The following B4GALT4 variants were observed in gnomAD, a reference collection of about 807,000 sequenced individuals.
B4GALT4 encodes the protein beta-1,4-galactosyltransferase 4.
In B4GALT4, 27 loss-of-function variants were observed where a neutral mutation model predicts 37.3. The ratio of observed to expected loss-of-function variants is 0.72; its 90% CI spans 0.53 to 1.00. B4GALT4 has a LOEUF of 1.00. Ranked by LOEUF, B4GALT4 falls within the 50% of genes least tolerant of loss-of-function variation. The probability of loss-of-function intolerance (pLI) is 0.00; values close to 1 mark genes in which losing one functional copy is unlikely to be tolerated. For missense variants in B4GALT4, 372 were observed against 413.1 expected, an observed-to-expected ratio of 0.90 and a Z score of 0.86; for synonymous variants, 148 against 154.1, an observed-to-expected ratio of 0.96 and a Z score of 0.29.
rs764184506 is a variant in B4GALT4 at position 119,212,569 on chromosome 3, C to A, written c.1015G>T (p.Asp339Tyr). The change falls in exon 8 of 8, where the codon GAT (aspartate) becomes TAT (tyrosine). Residue 339 changes from aspartate (D) to tyrosine (Y), a missense_variant. By Grantham distance (160) the Asp-to-Tyr change is radical. Coordinates refer to ENST00000393765, the MANE Select transcript of B4GALT4 (RefSeq NM_003778.4). Reference protein sequence around the residue: ...HNPLYINITVDFWFGA With the variant: ...HNPLYINITVYFWFGA Reference sequence around the variant, plus strand: ...CAGGGTCATGCACCAAACCAGAAATCCACTGTGATGTTGATATATAAAGGA... The same window carrying A: ...CAGGGTCATGCACCAAACCAGAAATACACTGTGATGTTGATATATAAAGGA... 6.2e-7 allele frequency: 1 copy of A among 1,602,602 alleles called. No homozygotes were observed. Among genetic ancestry groups the A allele is most frequent in the Non-Finnish European group, 8.5e-7 (1 of 1,176,646 alleles).
intron 7 of B4GALT4, 77 bp from the exon 8 acceptor site, chr3:119,212,758 G>C: frequency 7.5e-7 from 1 of 1,334,540 alleles, no homozygotes; most frequent in Non-Finnish European, 1.0e-6. Flanking sequence ...GCCCTGAAAT[G>C]TGGCAAACAT....
At position 119,215,451 on chromosome 3, in the gene B4GALT4, G is replaced by A. The variant is rs181365503; in HGVS notation, c.902+789C>T. 783 of 152,992 alleles carry A rather than the reference G, an allele frequency of 5.1e-3. 2 individuals carry two copies. The highest frequency in any genetic ancestry group is 8.7e-3 in the Non-Finnish European group (593 of 68,164). 9.5% of individuals were successfully genotyped at this position (152,992 alleles called of 1,614,324 possible). ...CCCTACTTTTGAGGTTTTGGGACCC[G>A]GGCTGGCTTCCTCGTTCCTCAGCTT... On this transcript the variant is annotated intron_variant, in intron 7 of 7. Coordinates refer to ENST00000393765, the MANE Select transcript of B4GALT4 (RefSeq NM_003778.4).
intron 3 of B4GALT4, among the ~76,000 whole-genome samples, chr3:119,227,464 C>A (rs1278957727): frequency 6.6e-6 from 1 of 152,150 alleles, no homozygotes; most frequent in African/African-American, 2.4e-5. Flanking sequence ...CAGAATCAAG[C>A]TCCTGGACAA....
intron 5 of B4GALT4, 73 bp downstream of exon 5, chr3:119,223,985 G>T: frequency 7.1e-7 from 1 of 1,403,570 alleles, no homozygotes; most frequent in Non-Finnish European, 9.5e-7. Flanking sequence ...CACTCTGGAT[G>T]CTTGTTCCAC....
chr3:119,225,791 T>A (rs894253591), intron 4 of B4GALT4, among the ~76,000 whole-genome samples: 1 of 152,160 alleles, frequency 6.6e-6, no homozygotes, highest in Non-Finnish European at 1.5e-5. Flanking sequence ...GAACTCAGAA[T>A]CAAATAAATC....
At chr3:119,236,149 TCAC>T (rs1392435782) in intron 2 of B4GALT4, 2 of 152,138 alleles carry the variant, frequency 1.3e-5, no homozygotes, top group African/African-American at 4.8e-5. Context: ...ATCCAATCGC[TCAC>T]CACAAGTTCA....
intron 5 of B4GALT4, among the ~76,000 whole-genome samples, chr3:119,221,677 A>G (rs1474451938): frequency 6.6e-6 from 1 of 152,226 alleles, no homozygotes; most frequent in Non-Finnish European, 1.5e-5. Flanking sequence ...GAAACATTTA[A>G]ATCAGAATAG....
At position 119,212,486 on chromosome 3, in the gene B4GALT4, T is replaced by C; in HGVS notation, c.*63A>G. 6.6e-7 allele frequency: 1 copy of C among 1,514,382 alleles called. No individual in the cohort carries two copies. The highest frequency in any genetic ancestry group is 8.9e-7 in the Non-Finnish European group (1 of 1,127,176). 93.8% of individuals were successfully genotyped at this position (1,514,382 alleles called of 1,614,324 possible). On this transcript the variant is annotated 3_prime_UTR_variant, in exon 8 of 8. Coordinates refer to ENST00000393765, the MANE Select transcript of B4GALT4 (RefSeq NM_003778.4). ...TTAATGTGTGCTACTATTTGAAGTC[T>C]CTAGGCCAAAATTATTGCAAACAAA...
intron 2 of B4GALT4, among the ~76,000 whole-genome samples, chr3:119,232,853 G>A (rs1291354575): frequency 6.6e-5 from 10 of 151,956 alleles, no homozygotes; most frequent in Non-Finnish European, 1.5e-4. Flanking sequence ...CTATTGCCCA[G>A]GCTAGAGTGC....
intron 3 of B4GALT4, among the ~76,000 whole-genome samples, chr3:119,227,440 T>C (rs977097976): frequency 1.3e-5 from 2 of 152,132 alleles, no homozygotes; most frequent in Non-Finnish European, 2.9e-5. Context: ...CTCTTAAATA[T>C]CAACAGCATT....
chr3:119,230,241 C>T lies in B4GALT4; in HGVS notation c.-142G>A. 1 of 1,045,486 alleles carries T rather than the reference C, an allele frequency of 9.6e-7. No homozygotes were observed. Among genetic ancestry groups the T allele is most frequent in the Non-Finnish European group, 1.4e-6 (1 of 724,162 alleles). 64.8% of individuals were successfully genotyped at this position (1,045,486 alleles called of 1,614,324 possible). A position where few individuals can be genotyped will look rare whatever the true frequency, so the allele number is the denominator to read the frequency against. The stretch of plus-strand genomic sequence containing the variant: ...GTTTTTCTCAGTAGTTCTGCTCCAA[C>T]AGTCTAAAACGCAATCACAAAAGAC... On this transcript the variant is annotated 5_prime_UTR_variant, in exon 3 of 8. Transcript: ENST00000393765.
intron 3 of B4GALT4, among the ~76,000 whole-genome samples, chr3:119,227,881 T>C (rs1301459160): frequency 6.6e-6 from 1 of 152,166 alleles, no homozygotes; most frequent in Non-Finnish European, 1.5e-5. Context: ...TCCCCTACCC[T>C]GGCCATGGCT....
chr3:119,224,707 CGT>C (rs1198699870), intron 4 of B4GALT4, among the ~76,000 whole-genome samples: 6 of 152,192 alleles, frequency 3.9e-5, no homozygotes, highest in East Asian at 3.9e-4. Context: ...AATTTTACAT[CGT>C]GTGTTTCACA....
chr3:119,225,375 G>A (rs1388273705), intron 4 of B4GALT4, among the ~76,000 whole-genome samples: 1 of 152,000 alleles, frequency 6.6e-6, no homozygotes, highest in Non-Finnish European at 1.5e-5. Context: ...ACACGAAGCA[G>A]ACATATTTTT....
intron 1 of B4GALT4, chr3:119,240,504 T>A (rs1168032037): frequency 6.6e-6 from 1 of 152,062 alleles, no homozygotes; most frequent in Non-Finnish European, 1.5e-5. Flanking sequence ...GGCGGAGAAG[T>A]GCTGGGGGCG....
intron 3 of B4GALT4, among the ~76,000 whole-genome samples, chr3:119,227,846 C>T (rs756064455): frequency 5.9e-5 from 9 of 152,180 alleles, no homozygotes; most frequent in Non-Finnish European, 1.0e-4. Flanking sequence ...GTGCGAAAGT[C>T]GCCATGACTT....
rs559120175 is a variant in B4GALT4 at position 119,225,990 on chromosome 3, A to G, written c.486+819T>C. 7.9e-4 allele frequency among the ~76,000 whole-genome samples: 121 copies of G among 152,340 alleles called. 2 individuals are homozygous for G. The South Asian group carries it at 0.019, about 25-fold the overall frequency. On this transcript the variant is annotated intron_variant, in intron 4 of 7. Transcript: ENST00000393765. ...TGAGTTGTCCAAAGTTTTATCTAAAAGAAATATTACCTGTTCTAACAGTAG... is the reference window on the plus strand; with the variant it reads ...TGAGTTGTCCAAAGTTTTATCTAAAGGAAATATTACCTGTTCTAACAGTAG...
intron 4 of B4GALT4, among the ~76,000 whole-genome samples, chr3:119,224,677 T>TA (rs200101918): frequency 0.024 from 3,714 of 152,278 alleles, 69 homozygotes; most frequent in Non-Finnish European, 0.042. Flanking sequence ...TTTAAAAAGT[T>TA]AAAAAAAGTT....
chr3:119,230,412 C>T (rs2078771824), intron 2 of B4GALT4, 168 bp from the exon 3 acceptor site: 1 of 340,566 alleles, frequency 2.9e-6, no homozygotes, highest in African/African-American at 2.1e-5. Flanking sequence ...TTAGAGGTTC[C>T]AAGCATCAAT....
Sources: gnomAD v4.1 joint callset for allele counts (sites outside exome capture counted in the v4.1 genomes callset) on GRCh38, gnomAD v4.1.1 for gene constraint, MANE v1.5 for transcripts, NCBI Gene and HGNC (gene_info 2026-07-23, HGNC 2026-07-21) for gene names.